The following CHD6 variants were observed in gnomAD, a reference collection of about 807,000 sequenced individuals.
The protein encoded by CHD6 is chromodomain helicase DNA binding protein 6.
Under a neutral mutation model 276.9 loss-of-function variants are expected in CHD6, and 50 were observed. The observed-to-expected ratio is 0.18, with a 90% CI of 0.14 to 0.23. CHD6 has a LOEUF of 0.23. Among genes scored for constraint, CHD6 ranks in the 10% least tolerant of loss-of-function variants. The pLI is 1.00. For synonymous variants in CHD6, 1,173 were observed against 1,229.3 expected, an observed-to-expected ratio of 0.95 and a Z score of 0.96; for missense variants, 2,564 against 3,365.8, an observed-to-expected ratio of 0.76 and a Z score of 5.89.
chr20:41,421,968 G>C lies in CHD6; in HGVS notation c.4667C>G (p.Pro1556Arg). ...CAGCTGGAGGCGTTCATGCAGCTGAGGGCACTTGAGCACTTGCTCTCGGAC... is the reference window on the plus strand; with the variant it reads ...CAGCTGGAGGCGTTCATGCAGCTGACGGCACTTGAGCACTTGCTCTCGGAC... ...RKVREQVLKC[P>R]QLHERLQLCR... Residue 1556 changes from proline to arginine, a missense_variant, in exon 31 of 37, where the codon CCT becomes CGT. This residue lies in a region of CHD6 where 515 missense variants were observed against 739.5 expected (regional missense o/e 0.70). Coordinates refer to ENST00000373233, the MANE Select transcript of CHD6 (RefSeq NM_032221.5). The C allele has an allele frequency of 6.2e-7, 1 of 1,614,226 alleles. No homozygotes were observed. The highest frequency in any genetic ancestry group is 1.1e-5 in the South Asian group (1 of 91,084).
intron 1 of CHD6, among the ~76,000 whole-genome samples, chr20:41,570,027 G>GT (rs1384120902): frequency 4.6e-5 from 7 of 152,094 alleles, no homozygotes; most frequent in Non-Finnish European, 7.4e-5. Context: ...ATGATTTAAG[G>GT]TTTTTCTAGA....
intron 34 of CHD6, chr20:41,414,931 C>T (rs965698659): frequency 3.0e-5 from 40 of 1,328,030 alleles, no homozygotes; most frequent in East Asian, 1.5e-4. Context: ...CCTGGAGGAG[C>T]GGGGTTGTTC....
chr20:41,489,732 C>A, intron 12 of CHD6, 46 bp downstream of exon 12: 4 of 1,610,494 alleles, frequency 2.5e-6, no homozygotes, highest in Middle Eastern at 1.7e-4. Context: ...AAAGGCTGTT[C>A]TGAGCTTAGG....
intron 2 of CHD6, among the ~76,000 whole-genome samples, chr20:41,534,239 C>T (rs1278819664): frequency 2.6e-5 from 4 of 152,136 alleles, no homozygotes; most frequent in Non-Finnish European, 5.9e-5. Context: ...TTAAGAAGAG[C>T]CTGGGAGGGA....
Position 41,420,568 on chromosome 20 carries a change from C to T in CHD6, c.6067G>A (p.Glu2023Lys). The T allele has an allele frequency of 6.2e-7, 1 of 1,614,034 alleles. No homozygotes were observed. Among genetic ancestry groups the T allele is most frequent in the Non-Finnish European group, 8.5e-7 (1 of 1,179,974 alleles). Residue 2023 changes from glutamate (E) to lysine (K), a missense_variant, in exon 31 of 37, where the codon GAA (glutamate) becomes AAA (lysine). Glu to Lys is a moderately conservative substitution (Grantham distance 56, BLOSUM62 1). Around this residue, in one of 7 missense-constraint regions of CHD6, gnomAD observed 1,024 missense variants for 1,047.9 expected, o/e 0.98. Coordinates refer to ENST00000373233, the MANE Select transcript of CHD6 (RefSeq NM_032221.5). ...YPLEGSELKS[E>K]DMDFENKDDY... ...TCTTTATTCTCAAAATCCATGTCTT[C>T]TGATTTGAGCTCACTTCCTTCAAGA...
At chr20:41,539,792 A>G (rs1232151653) in intron 2 of CHD6, among the ~76,000 whole-genome samples, 1 of 152,228 alleles carries the variant, frequency 6.6e-6, no homozygotes, top group Non-Finnish European at 1.5e-5. Context: ...AAAAAGCTAT[A>G]ATAACCTGTT....
rs536654782 is a variant in CHD6, at chr20:41,541,438, T to A, written c.34-7868A>T. ...TTCAGTTGCAGGTATTTAAGGATAA[T>A]TCAGGTGCAGAAATCCAGTAGGTTC... On this transcript the variant is annotated intron_variant, in intron 2 of 36. Transcript: ENST00000373233. 5.9e-4 allele frequency among the ~76,000 whole-genome samples: 90 copies of A among 152,324 alleles called. No homozygotes were observed. The South Asian group carries it at 6.2e-3, about 11-fold the overall frequency.
rs191814932 is a variant in CHD6 at position 41,564,180 on chromosome 20, T to C, written c.-23-12820A>G. 82 of 690,098 alleles carry C rather than the reference T, an allele frequency of 1.2e-4. No individual in the cohort carries two copies. In the East Asian group the frequency reaches 1.2e-3, roughly 10 times the overall value. 42.7% of individuals were successfully genotyped at this position (690,098 alleles called of 1,614,324 possible). On this transcript the variant is annotated intron_variant, in intron 1 of 36. Transcript: ENST00000373233. The stretch of plus-strand genomic sequence containing the variant: ...AAAACAAAAAGTTACTCTGTTAACA[T>C]TGAAATGAGAAGCCATCTACAAAAT...
At chr20:41,432,411 A>C (rs1773820947) in intron 27 of CHD6, among the ~76,000 whole-genome samples, 1 of 152,142 alleles carries the variant, frequency 6.6e-6, no homozygotes, top group South Asian at 2.1e-4. Context: ...TATCAGAAAA[A>C]GCTAAGCAGG....
At chr20:41,440,567 C>T (rs143525111) in intron 25 of CHD6, among the ~76,000 whole-genome samples, 87 of 152,210 alleles carry the variant, frequency 5.7e-4, no homozygotes, top group Middle Eastern at 3.4e-3. Flanking sequence ...AAGAGAACTA[C>T]GATGATTGTT....
In CHD6 at chr20:41,493,913, A is replaced by G; in HGVS notation, c.1124T>C (p.Val375Ala). 1 of 1,613,968 alleles carries G rather than the reference A, an allele frequency of 6.2e-7. No individual in the cohort carries two copies. The highest frequency in any genetic ancestry group is 8.5e-7 in the Non-Finnish European group (1 of 1,179,912). The change falls in exon 9 of 37, where the codon GTA becomes GCA. Residue 375 changes from valine to alanine, a missense_variant. Around this residue, in one of 7 missense-constraint regions of CHD6, gnomAD observed 457 missense variants for 889.0 expected, o/e 0.51. Transcript: ENST00000373233. The stretch of plus-strand genomic sequence containing the variant: ...CACCTCCAAGATGCGATCAACTTCT[A>G]CATAGTCTGGATTGAACAAGTCTTC... ...PDEDLFNPDY[V>A]EVDRILEVAH...
chr20:41,585,106 A>G (rs1237739082), intron 1 of CHD6, among the ~76,000 whole-genome samples: 1 of 152,224 alleles, frequency 6.6e-6, no homozygotes, highest in African/African-American at 2.4e-5. Flanking sequence ...GGTATACATT[A>G]AAGGAAAATA....
Position 41,404,768 on chromosome 20 carries a change from TTCTTCTTCC to T in CHD6, c.7964_7972del (p.Arg2655_Lys2657del). ...GTTGGGGTTGTCCCCCTTTGTCTTCTTCTTCTTCCTCTTCTGGCTCTCCAGACCTACTAT... is the reference window on the plus strand; with the variant it reads ...GTTGGGGTTGTCCCCCTTTGTCTTCTTCTTCTGGCTCTCCAGACCTACTAT... On this transcript the variant is annotated inframe_deletion, in exon 37 of 37. Coordinates refer to ENST00000373233, the MANE Select transcript of CHD6 (RefSeq NM_032221.5). 6.2e-7 allele frequency: 1 copy of T among 1,608,354 alleles called. No homozygotes were observed. The highest frequency in any genetic ancestry group is 1.1e-5 in the South Asian group (1 of 90,334).
At chr20:41,584,436 T>A (rs533103857) in intron 1 of CHD6, among the ~76,000 whole-genome samples, 30 of 152,216 alleles carry the variant, frequency 2.0e-4, no homozygotes, top group Admixed American at 6.5e-4. Flanking sequence ...TAGAAAAAAA[T>A]TTCTATCTAG....
intron 3 of CHD6, among the ~76,000 whole-genome samples, chr20:41,529,076 A>C (rs1169372986): frequency 6.6e-6 from 1 of 152,236 alleles, no homozygotes; most frequent in Non-Finnish European, 1.5e-5. Context: ...AGTCGGTTTT[A>C]CAGTCAGGTG....
At chr20:41,438,640 A>T (rs2047795550) in intron 26 of CHD6, among the ~76,000 whole-genome samples, 1 of 152,156 alleles carries the variant, frequency 6.6e-6, no homozygotes, top group South Asian at 2.1e-4. Flanking sequence ...TTGCGTCCCA[A>T]ATATTCTTGT....
At position 41,484,464 on chromosome 20, in the gene CHD6, G is replaced by A. The variant is rs750576384; in HGVS notation, c.2145C>T (p.Leu715=). ...TGGTCAGGAAGGAAAAGTTCTTCTC[G>A]AGGATGGCACGGTAGTACTTTTTCT... is the stretch of plus-strand genomic sequence containing the variant. The part of the protein sequence containing the change: ...NIQKKYYRAI[L]EKNFSFLTKG... Residue 715 remains leucine, a synonymous_variant, in exon 15 of 37, where the codon CTC becomes CTT. Transcript: ENST00000373233. 16 of 1,613,724 alleles carry A rather than the reference G, an allele frequency of 9.9e-6. No homozygotes were observed. The African/African-American group carries it at 1.5e-4, about 15-fold the overall frequency.
intron 1 of CHD6, among the ~76,000 whole-genome samples, chr20:41,573,528 G>A (rs940276985): frequency 1.3e-4 from 20 of 152,018 alleles, no homozygotes; most frequent in Admixed American, 1.1e-3. Flanking sequence ...CAGACCAAGT[G>A]ACAAAGAAGG....
intron 25 of CHD6, 46 bp from the exon 26 acceptor site, chr20:41,440,175 C>A (rs779172537): frequency 1.3e-6 from 2 of 1,583,508 alleles, no homozygotes; most frequent in Non-Finnish European, 1.7e-6. Context: ...TTAGAACTCA[C>A]AATATTTGCT....
Sources: allele counts gnomAD v4.1 joint callset (sites outside exome capture counted in the v4.1 genomes callset), GRCh38; gene constraint gnomAD v4.1.1; regional missense constraint gnomAD v4.1.1; transcripts MANE v1.5; gene names NCBI Gene and HGNC (gene_info 2026-07-23, HGNC 2026-07-21).